Variants in ACACA observed in about 807,000 individuals in gnomAD.
ACACA encodes acetyl-CoA carboxylase 1.
ACACA carries 103 observed loss-of-function variants against 296.1 expected under a neutral mutation model. That is an observed-to-expected ratio of 0.35 (90% CI 0.30 to 0.41). The LOEUF (loss-of-function observed/expected upper bound fraction) is 0.41. Among genes scored for constraint, ACACA ranks in the 10% least tolerant of loss-of-function variants. The pLI is 1.00. For missense variants in ACACA, 1,554 were observed against 2,989.7 expected (o/e 0.52, Z 11.20); for synonymous variants, 953 against 1,038.6 (o/e 0.92, Z 1.58).
intron 3 of ACACA, among the ~76,000 whole-genome samples, chr17:37,329,685 T>C (rs1439515562): frequency 6.8e-6 from 1 of 146,570 alleles, no homozygotes; most frequent in African/African-American, 2.5e-5. Context: ...CTCACACCTC[T>C]AATCCCAGCA....
chr17:37,159,715 A>C (rs2076389784), intron 42 of ACACA, among the ~76,000 whole-genome samples: 2 of 152,228 alleles, frequency 1.3e-5, no homozygotes, highest in Admixed American at 1.3e-4. Context: ...AAGTGTTATA[A>C]CTTGATGAGT....
chr17:37,242,752 T>C (rs546426493), intron 22 of ACACA, among the ~76,000 whole-genome samples: 9 of 148,646 alleles, frequency 6.1e-5, no homozygotes, highest in African/African-American at 2.2e-4. Flanking sequence ...AATAAATAAA[T>C]AAACAGCTGG....
chr17:37,312,684 G>T (rs1055512781), intron 3 of ACACA, among the ~76,000 whole-genome samples: 2 of 152,128 alleles, frequency 1.3e-5, no homozygotes, highest in African/African-American at 4.8e-5. Flanking sequence ...TAATAGACTA[G>T]GCTAGAGATA....
At chr17:37,260,283 TATATATA>T (rs1258158198) in intron 11 of ACACA, among the ~76,000 whole-genome samples, 1,019 of 38,798 alleles carry the variant, frequency 0.026, 91 homozygotes, top group South Asian at 0.06. Context: ...TATATATATA[TATATATA>T]TATATATTTT....
chr17:37,221,654 C>T, intron 29 of ACACA, 70 bp downstream of exon 29: 2 of 1,228,592 alleles, frequency 1.6e-6, no homozygotes, highest in Non-Finnish European at 1.2e-6. Flanking sequence ...AATTGTCATA[C>T]ACATTACTCC....
chr17:37,267,468 T>C (rs2081839451), intron 10 of ACACA, among the ~76,000 whole-genome samples: 1 of 152,218 alleles, frequency 6.6e-6, no homozygotes, highest in African/African-American at 2.4e-5. Flanking sequence ...TACAAAACCA[T>C]TGCAAATAAT....
At chr17:37,337,917 G>A (rs189046444) in intron 2 of ACACA, among the ~76,000 whole-genome samples, 27 of 152,108 alleles carry the variant, frequency 1.8e-4, no homozygotes, top group Admixed American at 1.4e-3. Flanking sequence ...CTAACATGGT[G>A]AAACCCCATC....
intron 24 of ACACA, among the ~76,000 whole-genome samples, chr17:37,238,052 C>T (rs752935738): frequency 7.2e-5 from 11 of 152,174 alleles, no homozygotes; most frequent in Non-Finnish European, 1.0e-4. Context: ...TTTCAGACTC[C>T]TTATGACGTA....
intron 35 of ACACA, 46 bp downstream of exon 35, chr17:37,200,093 C>T: frequency 1.4e-6 from 2 of 1,415,772 alleles, no homozygotes; most frequent in Non-Finnish European, 1.0e-6. Context: ...CAGTGGCAGA[C>T]AAATAAAACA....
chr17:37,265,539 C>G (rs1355810140), intron 10 of ACACA, among the ~76,000 whole-genome samples: 2 of 152,196 alleles, frequency 1.3e-5, no homozygotes, highest in Middle Eastern at 3.4e-3. Flanking sequence ...TTATCTGGCC[C>G]AACACTCCCA....
chr17:37,121,623 GATC>G (rs1567685888), intron 49 of ACACA, 133 bp from the exon 50 acceptor site: 4 of 1,147,342 alleles, frequency 3.5e-6, no homozygotes, highest in Non-Finnish European at 5.1e-6. Context: ...TGTTCATCAA[GATC>G]ATCATGTTTG....
chr17:37,341,973 G>T (rs1456762729), intron 1 of ACACA, among the ~76,000 whole-genome samples: 1 of 152,072 alleles, frequency 6.6e-6, no homozygotes, highest in Non-Finnish European at 1.5e-5. Flanking sequence ...AAAAGAAGCT[G>T]ACCTTTGGGG....
intron 41 of ACACA, among the ~76,000 whole-genome samples, chr17:37,171,664 A>C (rs1209737576): frequency 7.1e-6 from 1 of 141,296 alleles, no homozygotes; most frequent in Non-Finnish European, 1.5e-5. Flanking sequence ...AACAGCGATA[A>C]AAGGGTAAGA....
chr17:37,268,721 C>CTATATATATATATATATA (rs1334153360), intron 10 of ACACA, among the ~76,000 whole-genome samples: 1 of 108,100 alleles, frequency 9.3e-6, no homozygotes, highest in Admixed American at 9.1e-5. Flanking sequence ...CTATATCTAT[C>CTATATATATATATATATA]TATCTATCTA....
chr17:37,344,093 TAAAAAA>T (rs2048507177), intron 1 of ACACA, among the ~76,000 whole-genome samples: 1 of 150,872 alleles, frequency 6.6e-6, no homozygotes, highest in African/African-American at 2.4e-5. Flanking sequence ...AATAAAAAGA[TAAAAAA>T]TAAAAAAGAA....
intron 45 of ACACA, chr17:37,141,334 G>C (rs2075568662): frequency 1.2e-4 from 58 of 471,428 alleles, no homozygotes; most frequent in South Asian, 9.6e-4. Flanking sequence ...AGCTCTGTGG[G>C]GCCCAGGCCC....
chr17:37,173,598 AT>A (rs1399164472), intron 41 of ACACA, among the ~76,000 whole-genome samples: 2 of 152,128 alleles, frequency 1.3e-5, no homozygotes, highest in East Asian at 3.9e-4. Context: ...ATCACTGTGT[AT>A]TTTTTTATAT....
At chr17:37,194,924 TTC>T (rs2077921196) in intron 35 of ACACA, among the ~76,000 whole-genome samples, 1 of 151,690 alleles carries the variant, frequency 6.6e-6, no homozygotes, top group Non-Finnish European at 1.5e-5. Context: ...TTCTAAATAA[TTC>T]TCTGACACCC....
At chr17:37,306,692 TTTA>T (rs1227731048) in intron 3 of ACACA, among the ~76,000 whole-genome samples, 1 of 152,008 alleles carries the variant, frequency 6.6e-6, no homozygotes, top group Non-Finnish European at 1.5e-5. Context: ...TGTGTATAAA[TTTA>T]TTATTATTTT....
Sources: allele counts gnomAD v4.1 joint callset (sites outside exome capture counted in the v4.1 genomes callset), GRCh38; gene constraint gnomAD v4.1.1; transcripts MANE v1.5; gene names NCBI Gene and HGNC (gene_info 2026-07-23, HGNC 2026-07-21).